PDE1C: variants seen among roughly 807,000 people sequenced by gnomAD.
The protein encoded by PDE1C is phosphodiesterase 1C.
Under a neutral mutation model 93.1 loss-of-function variants are expected in PDE1C, and 62 were observed. That is an observed-to-expected ratio of 0.67 (90% CI 0.54 to 0.82). PDE1C has a LOEUF of 0.82. PDE1C is among the 40% of genes least tolerant of loss of function. The pLI, the probability that PDE1C is intolerant of heterozygous loss-of-function variation, is 0.00. For synonymous variants in PDE1C, 325 were observed against 310.1 expected, an observed-to-expected ratio of 1.05 and a Z score of -0.50; for missense variants, 742 against 884.6, an observed-to-expected ratio of 0.84 and a Z score of 2.04.
chr7:32,346,498 C>A (rs561770192), intron 1 of PDE1C, among the ~76,000 whole-genome samples: 7 of 152,300 alleles, frequency 4.6e-5, no homozygotes, highest in African/African-American at 1.7e-4. Context: ...AGTCATGGGC[C>A]CCCAGGTGCC....
intron 16 of PDE1C, 59 bp from the exon 17 acceptor site, chr7:31,775,791 A>G: frequency 1.5e-6 from 2 of 1,375,044 alleles, no homozygotes; most frequent in East Asian, 4.6e-5. Flanking sequence ...CTGTTGGACA[A>G]GTAAATGTTC....
chr7:31,873,023 A>G (rs2128863790), intron 6 of PDE1C, among the ~76,000 whole-genome samples: 1 of 152,254 alleles, frequency 6.6e-6, no homozygotes, highest in South Asian at 2.1e-4. Flanking sequence ...GAGCTTGGTT[A>G]TTACAGGCTT....
chr7:32,356,384 A>G (rs1198762426), intron 1 of PDE1C, among the ~76,000 whole-genome samples: 12 of 152,214 alleles, frequency 7.9e-5, no homozygotes, highest in Non-Finnish European at 1.8e-4. Flanking sequence ...TGACAGTAAG[A>G]GAGAAATACT....
chr7:31,720,297 T>C, the PDE1C span, among the ~76,000 whole-genome samples: 1 of 150,808 alleles, frequency 6.6e-6, no homozygotes, highest in Non-Finnish European at 1.5e-5. Flanking sequence ...CCTCAACCAC[T>C]GCCTTCATCT....
the PDE1C span, among the ~76,000 whole-genome samples, chr7:31,627,795 C>T: frequency 6.6e-6 from 1 of 150,978 alleles, no homozygotes; most frequent in African/African-American, 2.4e-5. Flanking sequence ...TCCCTAAAAA[C>T]AAAAACTTCC....
the PDE1C span, among the ~76,000 whole-genome samples, chr7:31,733,489 C>T: frequency 2.6e-5 from 4 of 152,156 alleles, no homozygotes; most frequent in Admixed American, 6.5e-5. Flanking sequence ...AAGAGGCTGA[C>T]GTGCAGAGAA....
At chr7:31,806,404 G>A (rs1786830489) in intron 16 of PDE1C, among the ~76,000 whole-genome samples, 2 of 151,978 alleles carry the variant, frequency 1.3e-5, no homozygotes, top group South Asian at 4.1e-4. Context: ...CAATGGAAAA[G>A]TTTAAAGATG....
the PDE1C span, among the ~76,000 whole-genome samples, chr7:31,719,805 G>C: frequency 2.6e-5 from 4 of 152,162 alleles, no homozygotes; most frequent in Non-Finnish European, 4.4e-5. Context: ...CCAGCACCAT[G>C]GCCAATGCTG....
At chr7:31,627,663 A>T in the PDE1C span, among the ~76,000 whole-genome samples, 1 of 137,096 alleles carries the variant, frequency 7.3e-6, no homozygotes, top group Admixed American at 7.0e-5. Flanking sequence ...CTGTCTCAAA[A>T]AAAAAAAAAA....
chr7:31,629,276 A>G, the PDE1C span, among the ~76,000 whole-genome samples: 2 of 58,982 alleles, frequency 3.4e-5, no homozygotes, highest in Non-Finnish European at 7.7e-5. Context: ...TGTGTGTTTA[A>G]ACAACACAAT....
intron 2 of PDE1C, among the ~76,000 whole-genome samples, chr7:31,975,807 C>T (rs1213090031): frequency 1.3e-5 from 2 of 152,158 alleles, no homozygotes; most frequent in East Asian, 3.9e-4. Flanking sequence ...TTCACTTTCA[C>T]TTCCTTACTT....
At chr7:32,067,306 C>T (rs894861573) in intron 1 of PDE1C, among the ~76,000 whole-genome samples, 1 of 152,110 alleles carries the variant, frequency 6.6e-6, no homozygotes, top group African/African-American at 2.4e-5. Flanking sequence ...GGATAAAAAG[C>T]AAACCAAAAG....
At chr7:31,644,613 A>G in the PDE1C span, among the ~76,000 whole-genome samples, 2 of 152,140 alleles carry the variant, frequency 1.3e-5, no homozygotes, top group African/African-American at 4.8e-5. Context: ...TTAAAGGTGG[A>G]CCCTATAGTT....
intron 2 of PDE1C, among the ~76,000 whole-genome samples, chr7:32,016,728 T>C (rs1787959159): frequency 6.6e-6 from 1 of 152,176 alleles, no homozygotes; most frequent in Non-Finnish European, 1.5e-5. Context: ...TAATGATACA[T>C]CAATAAAGTG....
chr7:32,157,457 C>G (rs1187943289), intron 3 of PDE1C, among the ~76,000 whole-genome samples: 1 of 151,896 alleles, frequency 6.6e-6, no homozygotes, highest in Non-Finnish European at 1.5e-5. Context: ...ATATGTACAA[C>G]TATGTCAATA....
At chr7:32,308,289 G>A (rs1046808504) in intron 1 of PDE1C, among the ~76,000 whole-genome samples, 1 of 151,170 alleles carries the variant, frequency 6.6e-6, no homozygotes, top group African/African-American at 2.4e-5. Context: ...TGCCTCTGTA[G>A]GCTCCACCTC....
At chr7:31,771,485 T>C (rs929944665) in intron 17 of PDE1C, among the ~76,000 whole-genome samples, 5 of 152,344 alleles carry the variant, frequency 3.3e-5, no homozygotes, top group South Asian at 2.1e-4. Context: ...CATCTTTCTA[T>C]GTGCTTATTG....
chr7:32,192,772 G>A, intron 2 of PDE1C, among the ~76,000 whole-genome samples: 1 of 152,086 alleles, frequency 6.6e-6, no homozygotes, highest in Non-Finnish European at 1.5e-5. Flanking sequence ...ATTATAGGGA[G>A]AACTGACATA....
At chr7:31,748,609 A>C (rs12533479), downstream of PDE1C, among the ~76,000 whole-genome samples, 20,752 of 152,298 alleles carry the variant, frequency 0.14, 1,618 homozygotes, top group East Asian at 0.34. Context: ...AATGTAACAA[A>C]AGTATAATGA....
Sources: gnomAD v4.1 joint callset for allele counts (sites outside exome capture counted in the v4.1 genomes callset) on GRCh38, gnomAD v4.1.1 for gene constraint, MANE v1.5 for transcripts, NCBI Gene and HGNC (gene_info 2026-07-23, HGNC 2026-07-21) for gene names.